The following RPS6KA2 variants were observed in gnomAD, a reference collection of about 807,000 sequenced individuals.
RPS6KA2 encodes ribosomal protein S6 kinase alpha-2.
In RPS6KA2, 42 loss-of-function variants were observed where a neutral mutation model predicts 91.8. The ratio of observed to expected loss-of-function variants is 0.46; its 90% CI spans 0.36 to 0.59. The LOEUF (loss-of-function observed/expected upper bound fraction) is 0.59. Ranked by LOEUF, RPS6KA2 falls within the 20% of genes least tolerant of loss-of-function variation. The pLI, the probability that RPS6KA2 is intolerant of heterozygous loss-of-function variation, is 0.00. For synonymous variants in RPS6KA2, 414 were observed against 393.6 expected (o/e 1.05, Z -0.61); for missense variants, 798 against 978.5 (o/e 0.82, Z 2.46).
chr6:166,521,853 T>C (rs1022900272), intron 3 of RPS6KA2, among the ~76,000 whole-genome samples: 2 of 152,158 alleles, frequency 1.3e-5, no homozygotes, highest in Non-Finnish European at 2.9e-5. Flanking sequence ...TAAATTCATA[T>C]GTTGAAACCT....
Position 166,691,926 on chromosome 6 carries a change from C to T in RPS6KA2, c.124-153142G>A, listed in dbSNP as rs186215908. On this transcript the variant is annotated intron_variant, in intron 2 of 21. Transcript: ENST00000503859. ...TGAGAGCTCAAGAAGCACGTGAGGC[C>T]GGGAGGAAGCCACACAGGCCACAGG... Among the ~76,000 whole-genome samples the T allele has an allele frequency of 2.8e-4, 43 of 152,212 alleles. No individual in the cohort carries two copies. The East Asian group carries it at 7.7e-3, about 27-fold the overall frequency.
intron 2 of RPS6KA2, among the ~76,000 whole-genome samples, chr6:166,854,724 G>A (rs1377108034): frequency 6.6e-6 from 1 of 152,164 alleles, no homozygotes; most frequent in Non-Finnish European, 1.5e-5. Context: ...CAGAGAAAGG[G>A]AACGCTTATA....
chr6:166,499,310 G>A (rs1781930663), intron 7 of RPS6KA2, among the ~76,000 whole-genome samples: 1 of 152,240 alleles, frequency 6.6e-6, no homozygotes, highest in African/African-American at 2.4e-5. Flanking sequence ...GCTAAATAGA[G>A]CCAAGGCAGG....
At chr6:166,850,468 TA>T (rs1221961130) in intron 2 of RPS6KA2, among the ~76,000 whole-genome samples, 1 of 152,148 alleles carries the variant, frequency 6.6e-6, no homozygotes, top group Non-Finnish European at 1.5e-5. Context: ...TAGCAGTGAA[TA>T]GGGAGGTATA....
At chr6:166,453,283 C>T (rs1403879098) in intron 12 of RPS6KA2, among the ~76,000 whole-genome samples, 1 of 151,902 alleles carries the variant, frequency 6.6e-6, no homozygotes, top group Non-Finnish European at 1.5e-5. Context: ...AACAGACAAC[C>T]TGCAGAATGG....
At chr6:166,675,590 T>C (rs1053348257) in intron 2 of RPS6KA2, among the ~76,000 whole-genome samples, 2 of 151,738 alleles carry the variant, frequency 1.3e-5, no homozygotes, top group Non-Finnish European at 2.9e-5. Context: ...ATGGACAACA[T>C]GCAGGCTCCT....
intron 2 of RPS6KA2, among the ~76,000 whole-genome samples, chr6:166,758,331 G>A (rs932513114): frequency 2.0e-5 from 3 of 152,208 alleles, no homozygotes; most frequent in Non-Finnish European, 4.4e-5. Flanking sequence ...CTCTCTACAA[G>A]CTTTTCCCGG....
At chr6:166,647,760 ACACG>A (rs1177718633) in intron 2 of RPS6KA2, among the ~76,000 whole-genome samples, 1 of 152,066 alleles carries the variant, frequency 6.6e-6, no homozygotes, top group African/African-American at 2.4e-5. Flanking sequence ...ACACACACAC[ACACG>A]CACATGCTCA....
chr6:166,450,954 A>C (rs1247896902), intron 13 of RPS6KA2, 149 bp downstream of exon 13: 39 of 922,666 alleles, frequency 4.2e-5, no homozygotes, highest in Non-Finnish European at 6.5e-5. Flanking sequence ...CACTCAGAAC[A>C]ATGGGAAGTG....
chr6:166,503,756 A>C (rs1016257813), intron 6 of RPS6KA2, among the ~76,000 whole-genome samples: 122 of 152,376 alleles, frequency 8.0e-4, no homozygotes, highest in African/African-American at 2.8e-3. Flanking sequence ...TCTACAAAGA[A>C]TATGTAAAAA....
intron 2 of RPS6KA2, among the ~76,000 whole-genome samples, chr6:166,686,882 A>G (rs1789035297): frequency 6.6e-6 from 1 of 152,190 alleles, no homozygotes; most frequent in African/African-American, 2.4e-5. Context: ...CCAGGACAGC[A>G]CCACCACTTC....
rs1167854617 is a variant in RPS6KA2, at chr6:166,825,730, C to T, written c.123+32470G>A. Among the ~76,000 whole-genome samples, 4 of 152,138 alleles carry T rather than the reference C, an allele frequency of 2.6e-5. No homozygotes were observed. The highest frequency in any genetic ancestry group is 9.7e-5 in the African/African-American group (4 of 41,434). On this transcript the variant is annotated intron_variant, in intron 2 of 21. Transcript: ENST00000503859. The surrounding 1 kb of genome is among the most constrained non-coding windows in gnomAD (Gnocchi z 4.1). ...GTGGTGAGGGAGCTTTCTGGGGTCT[C>T]CTTTATAAGGGCACTAATCCCATGA... is the stretch of plus-strand genomic sequence containing the variant.
intron 10 of RPS6KA2, among the ~76,000 whole-genome samples, chr6:166,478,029 C>T (rs1239576673): frequency 2.6e-5 from 4 of 152,222 alleles, no homozygotes; most frequent in African/African-American, 9.6e-5. Context: ...AGCATCTCCA[C>T]TTCTCCTTTC....
At chr6:166,548,878 TGAA>T (rs1783909700) in intron 1 of RPS6KA2, among the ~76,000 whole-genome samples, 1 of 152,196 alleles carries the variant, frequency 6.6e-6, no homozygotes, top group South Asian at 2.1e-4. Context: ...AAAGACTCTG[TGAA>T]GGAGATGAAA....
rs953819447 is a variant in RPS6KA2 at position 166,437,705 on chromosome 6, A to G, written c.1333-5215T>C. 6.6e-6 allele frequency among the ~76,000 whole-genome samples: 1 copy of G among 152,272 alleles called. No individual in the cohort carries two copies. Among genetic ancestry groups the G allele is most frequent in the East Asian group, 1.9e-4 (1 of 5,180 alleles). On this transcript the variant is annotated intron_variant, in intron 14 of 20. Coordinates refer to ENST00000265678, the MANE Select transcript of RPS6KA2 (RefSeq NM_021135.6). This position sits in a 1 kb window ranked among gnomAD's most constrained non-coding sequence, Gnocchi z 4.3. ...ATTCTGGGTTCAACATGGATGGCAC[A>G]CCACCATGATCTTCCTGAGCACGGA... is the stretch of plus-strand genomic sequence containing the variant.
At chr6:166,638,678 T>C (rs966008093) in intron 2 of RPS6KA2, among the ~76,000 whole-genome samples, 2 of 152,206 alleles carry the variant, frequency 1.3e-5, no homozygotes, top group African/African-American at 4.8e-5. Flanking sequence ...TCTGAGTCTC[T>C]AGAACAGTGG....
At chr6:166,846,701 G>A (rs1474738139) in intron 2 of RPS6KA2, among the ~76,000 whole-genome samples, 3 of 152,096 alleles carry the variant, frequency 2.0e-5, no homozygotes, top group African/African-American at 4.8e-5. Context: ...GCATAGAAGG[G>A]GCATTCCTGA....
chr6:166,463,740 C>T (rs910755790), intron 11 of RPS6KA2, among the ~76,000 whole-genome samples: 2 of 152,112 alleles, frequency 1.3e-5, no homozygotes, highest in Admixed American at 6.5e-5. Context: ...TAATACGCTC[C>T]AATAAGGCAA....
chr6:166,757,539 C>T (rs1312265106), intron 2 of RPS6KA2: 1 of 456,180 alleles, frequency 2.2e-6, no homozygotes, highest in East Asian at 6.9e-5. Flanking sequence ...TTCTGAGGAA[C>T]AGTCTCTGCA....
Sources: gnomAD v4.1 joint callset for allele counts (sites outside exome capture counted in the v4.1 genomes callset) on GRCh38, gnomAD v4.1.1 for gene constraint, Gnocchi (gnomAD v3.1) non-coding constraint, MANE v1.5 for transcripts, NCBI Gene and HGNC (gene_info 2026-07-23, HGNC 2026-07-21) for gene names.